PRMT8: variants seen among roughly 807,000 people sequenced by gnomAD.
PRMT8 encodes the protein protein arginine N-methyltransferase 8.
Under a neutral mutation model 47.1 loss-of-function variants are expected in PRMT8, and 7 were observed. That is an observed-to-expected ratio of 0.15 (90% CI 0.08 to 0.28). The LOEUF is 0.28. Ranked by LOEUF, PRMT8 falls within the 10% of genes least tolerant of loss-of-function variation. The pLI, the probability that PRMT8 is intolerant of heterozygous loss-of-function variation, is 1.00. For synonymous variants in PRMT8, 188 were observed against 186.5 expected (o/e 1.01, Z -0.07); for missense variants, 237 against 505.4 (o/e 0.47, Z 5.09).
At chr12:3,461,733 T>C (rs1038869421) in intron 1 of PRMT8, among the ~76,000 whole-genome samples, 1 of 150,224 alleles carries the variant, frequency 6.7e-6, no homozygotes, top group Admixed American at 6.6e-5. Flanking sequence ...CTCTGCTCAG[T>C]GTTAACCTAA....
At position 3,564,931 on chromosome 12, in the gene PRMT8, T is replaced by A. The variant is rs998769363; in HGVS notation, c.482-3775T>A. Reference sequence around the variant, plus strand: ...ATGCCCCACCATGACAGGTAGCATTTTGTAGATTGGAAAATTGAATCTGGA... The same window carrying A: ...ATGCCCCACCATGACAGGTAGCATTATGTAGATTGGAAAATTGAATCTGGA... On this transcript the variant is annotated intron_variant, in intron 4 of 9. Coordinates refer to ENST00000382622, the MANE Select transcript of PRMT8 (RefSeq NM_019854.5). This position sits in a 1 kb window ranked among gnomAD's most constrained non-coding sequence, Gnocchi z 4.0. Among the ~76,000 whole-genome samples the A allele has an allele frequency of 6.6e-6, 1 of 152,198 alleles. No individual in the cohort carries two copies.
At chr12:3,530,686 C>A (rs1251404966) in intron 1 of PRMT8, among the ~76,000 whole-genome samples, 1 of 152,138 alleles carries the variant, frequency 6.6e-6, no homozygotes, top group Non-Finnish European at 1.5e-5. Context: ...GGGCCAGGGC[C>A]AAGCAGCCAG....
intron 1 of PRMT8, among the ~76,000 whole-genome samples, chr12:3,497,691 T>C (rs1220506233): frequency 6.6e-6 from 1 of 151,936 alleles, no homozygotes; most frequent in South Asian, 2.1e-4. Context: ...ACATCAAATG[T>C]CTTTTCTTAC....
At chr12:3,473,882 A>G (rs1448471351) in intron 1 of PRMT8, among the ~76,000 whole-genome samples, 3 of 151,796 alleles carry the variant, frequency 2.0e-5, no homozygotes, top group Non-Finnish European at 4.4e-5. Flanking sequence ...CCGACACCCC[A>G]TCCTTGTGTC....
chr12:3,422,450 T>G (rs918826739), intron 1 of PRMT8, among the ~76,000 whole-genome samples: 1 of 151,958 alleles, frequency 6.6e-6, no homozygotes, highest in South Asian at 2.1e-4. Flanking sequence ...CAGCTGGGAG[T>G]GTTGGCAGAC....
At chr12:3,562,119 G>A (rs1302394630) in intron 4 of PRMT8, among the ~76,000 whole-genome samples, 1 of 152,168 alleles carries the variant, frequency 6.6e-6, no homozygotes, top group Non-Finnish European at 1.5e-5. Flanking sequence ...ACAGCATCCG[G>A]TGGGCACTAA....
At chr12:3,418,831 A>G (rs1283894156) in intron 1 of PRMT8, among the ~76,000 whole-genome samples, 3 of 152,058 alleles carry the variant, frequency 2.0e-5, no homozygotes, top group Admixed American at 2.0e-4. Flanking sequence ...TGAAGAGGAA[A>G]AGGATGAGGG....
intron 1 of PRMT8, among the ~76,000 whole-genome samples, chr12:3,484,708 C>T (rs763080122): frequency 1.3e-5 from 2 of 152,210 alleles, no homozygotes; most frequent in African/African-American, 4.8e-5. Context: ...CTCTGTTAAA[C>T]GCCTCCTTCA....
At chr12:3,407,509 G>A (rs1864384956) in intron 1 of PRMT8, among the ~76,000 whole-genome samples, 2 of 151,990 alleles carry the variant, frequency 1.3e-5, no homozygotes, top group Non-Finnish European at 1.5e-5. Flanking sequence ...TCCCTTATAT[G>A]CAACTTAATG....
intron 1 of PRMT8, among the ~76,000 whole-genome samples, chr12:3,460,666 C>G (rs573194690): frequency 3.9e-5 from 6 of 152,110 alleles, no homozygotes; most frequent in Non-Finnish European, 7.4e-5. Flanking sequence ...CCCCATTTTA[C>G]AGAGCGAGGA....
At chr12:3,578,093 A>T (rs1464923261) in intron 7 of PRMT8, among the ~76,000 whole-genome samples, 1 of 152,212 alleles carries the variant, frequency 6.6e-6, no homozygotes, top group Non-Finnish European at 1.5e-5. Flanking sequence ...AAATAGAGAC[A>T]TCAATTTCAT....
At chr12:3,575,172 C>T (rs1158989059) in intron 6 of PRMT8, among the ~76,000 whole-genome samples, 1 of 152,140 alleles carries the variant, frequency 6.6e-6, no homozygotes, top group South Asian at 2.1e-4. Flanking sequence ...GCCTTCTTTT[C>T]GCAAGAAAGA....
chr12:3,559,603 C>G (rs547788943), intron 4 of PRMT8, among the ~76,000 whole-genome samples: 39 of 152,314 alleles, frequency 2.6e-4, no homozygotes, highest in African/African-American at 9.4e-4. Flanking sequence ...CCTTTCTCTA[C>G]CAGAAAAACC....
intron 1 of PRMT8, among the ~76,000 whole-genome samples, chr12:3,388,153 G>C (rs12815076): frequency 0.084 from 12,234 of 146,426 alleles, 1,003 homozygotes; most frequent in African/African-American, 0.21. Flanking sequence ...TATTTCTTTA[G>C]TCATCTTTGA....
rs1228896017 is a variant in PRMT8 at position 3,583,849 on chromosome 12, G to A, written c.979+641G>A. ...TCATTCCTCACCACCCCTCTTGGCC[G>A]AGCCCTGTCCCGTCGCTGCTACCCC... On this transcript the variant is annotated intron_variant, in intron 8 of 9. Coordinates refer to ENST00000382622, the MANE Select transcript of PRMT8 (RefSeq NM_019854.5). This position sits in a 1 kb window ranked among gnomAD's most constrained non-coding sequence, Gnocchi z 4.7. Among the ~76,000 whole-genome samples the A allele has an allele frequency of 1.3e-5, 2 of 152,116 alleles. No individual in the cohort carries two copies. The highest frequency in any genetic ancestry group is 2.9e-5 in the Non-Finnish European group (2 of 68,012).
intron 9 of PRMT8, 40 bp downstream of exon 9, chr12:3,592,392 C>G (rs1023219937): frequency 1.3e-6 from 2 of 1,582,792 alleles, no homozygotes; most frequent in Non-Finnish European, 1.7e-6. Flanking sequence ...GGAGAAGGGC[C>G]CCACAGAGCT....
At chr12:3,405,029 G>A (rs1376366423) in intron 1 of PRMT8, among the ~76,000 whole-genome samples, 2 of 151,924 alleles carry the variant, frequency 1.3e-5, no homozygotes, top group South Asian at 2.1e-4. Flanking sequence ...TCTTCCATTT[G>A]CATGCTTCTA....
intron 7 of PRMT8, among the ~76,000 whole-genome samples, chr12:3,579,344 C>T (rs965923605): frequency 2.0e-5 from 3 of 152,124 alleles, no homozygotes; most frequent in African/African-American, 4.8e-5. Flanking sequence ...GTTTGCACTG[C>T]CGGACACGTC....
chr12:3,437,064 C>T (rs12311349), intron 1 of PRMT8, among the ~76,000 whole-genome samples: 5,536 of 152,284 alleles, frequency 0.036, 156 homozygotes, highest in African/African-American at 0.068. Context: ...ATTCAAATGA[C>T]AGCTGGAAGG....
Sources: allele counts gnomAD v4.1 joint callset (sites outside exome capture counted in the v4.1 genomes callset), GRCh38; gene constraint gnomAD v4.1.1; non-coding constraint Gnocchi (gnomAD v3.1); transcripts MANE v1.5; gene names NCBI Gene and HGNC (gene_info 2026-07-23, HGNC 2026-07-21).